TSPAN7: variants seen among roughly 807,000 people sequenced by gnomAD.
TSPAN7 encodes the protein tetraspanin 7, also known as tetraspanin-7.
TSPAN7 carries 1 observed loss-of-function variant against 17.6 expected under a neutral mutation model. The observed-to-expected ratio is 0.06, with a 90% CI of 0.02 to 0.27. TSPAN7 has a LOEUF of 0.27. TSPAN7 is among the 10% of genes least tolerant of loss of function. The pLI, the probability that TSPAN7 is intolerant of heterozygous loss-of-function variation, is 1.00. For missense variants in TSPAN7, 112 were observed against 201.7 expected, an observed-to-expected ratio of 0.56 and a Z score of 2.69; for synonymous variants, 78 against 79.0, an observed-to-expected ratio of 0.99 and a Z score of 0.07.
At chrX:38,638,793 G>T (rs1407624910) in intron 1 of TSPAN7, among the ~76,000 whole-genome samples, 4 of 111,609 alleles carry the variant, frequency 3.6e-5, no homozygotes, top group Non-Finnish European at 5.6e-5. Context: ...AGACAAATTG[G>T]TCTTCTATTA....
At chrX:38,625,031 A>G (rs772641119) in intron 1 of TSPAN7, among the ~76,000 whole-genome samples, 2 of 112,283 alleles carry the variant, frequency 1.8e-5, no homozygotes, top group African/African-American at 3.2e-5. Flanking sequence ...TTACTCATTT[A>G]TGGAAGATAT....
chrX:38,639,667 C>T (rs926670048), intron 1 of TSPAN7, among the ~76,000 whole-genome samples: 1 of 107,257 alleles, frequency 9.3e-6, no homozygotes, highest in Admixed American at 1.0e-4. Flanking sequence ...AAATATGACC[C>T]GTTCTTGGGT....
intron 1 of TSPAN7, among the ~76,000 whole-genome samples, chrX:38,643,846 A>AAAAAT (rs1264310034): frequency 1.8e-5 from 2 of 111,360 alleles, no homozygotes; most frequent in African/African-American, 3.3e-5. Flanking sequence ...CTCCGTCTCA[A>AAAAAT]AAAATAAAAT....
rs749626122 is a variant in TSPAN7 at position 38,666,389 on chromosome X, G to A, written c.270+80G>A. 6.9e-5 allele frequency: 70 copies of A among 1,010,598 alleles called. 1 individual carries two copies. The South Asian group carries it at 1.1e-3, about 15-fold the overall frequency. The allele number at this position is 1,010,598 out of a possible 1,213,427, so 83.3% of individuals were successfully genotyped here. On this transcript the variant is annotated intron_variant, in intron 2 of 7. Transcript: ENST00000378482. Reference sequence around the variant, plus strand: ...AAATTACATGGAGGTGAAGTGGTTCGTCTTGAGGTCACAGACAAGACCTTA... The same window carrying A: ...AAATTACATGGAGGTGAAGTGGTTCATCTTGAGGTCACAGACAAGACCTTA...
intron 1 of TSPAN7, among the ~76,000 whole-genome samples, chrX:38,603,923 C>T (rs1187200881): frequency 5.8e-5 from 6 of 103,997 alleles, no homozygotes; most frequent in East Asian, 6.1e-4. Context: ...GCACAATTTG[C>T]GGGTTAGTTA....
At chrX:38,616,251 C>A (rs902228881) in intron 1 of TSPAN7, among the ~76,000 whole-genome samples, 2 of 112,136 alleles carry the variant, frequency 1.8e-5, no homozygotes, top group African/African-American at 3.2e-5. Flanking sequence ...ATATTAATAT[C>A]TCCACTTTAC....
intron 1 of TSPAN7, among the ~76,000 whole-genome samples, chrX:38,636,904 C>T (rs1418505139): frequency 5.4e-5 from 6 of 111,634 alleles, no homozygotes; most frequent in Non-Finnish European, 7.5e-5. Flanking sequence ...ATCCGCCAGC[C>T]GTGGGCTCCC....
intron 1 of TSPAN7, among the ~76,000 whole-genome samples, chrX:38,642,725 A>C (rs941748636): frequency 2.7e-5 from 3 of 112,261 alleles, no homozygotes; most frequent in African/African-American, 9.7e-5. Flanking sequence ...CATAGACTGC[A>C]GTGATGCTGC....
In TSPAN7 at chrX:38,562,176, T is replaced by C. The variant is rs184037953; in HGVS notation, c.81+549T>C. ...TGGCTGGGCAAGGGCGACCGAAGTC[T>C]CCCAAGCGCACGATGGGGAGCAGGC... is the stretch of plus-strand genomic sequence containing the variant. On this transcript the variant is annotated intron_variant, in intron 1 of 7. Coordinates refer to ENST00000378482, the MANE Select transcript of TSPAN7 (RefSeq NM_004615.4). 8.1e-4 allele frequency among the ~76,000 whole-genome samples: 90 copies of C among 111,508 alleles called. 1 individual carries two copies. In the East Asian group the frequency reaches 0.022, roughly 27 times the overall value.
intron 1 of TSPAN7, among the ~76,000 whole-genome samples, chrX:38,562,102 T>C (rs5963511): frequency 0.13 from 14,249 of 110,829 alleles, 924 homozygotes; most frequent in African/African-American, 0.24. Context: ...CAGTTATTCC[T>C]GACCCCACGG....
chrX:38,643,953 C>T (rs2069630129), intron 1 of TSPAN7, among the ~76,000 whole-genome samples: 1 of 112,059 alleles, frequency 8.9e-6, no homozygotes, highest in Non-Finnish European at 1.9e-5. Flanking sequence ...GGTATCTTGC[C>T]TGTAAAAGAC....
At chrX:38,598,528 A>T in intron 1 of TSPAN7, among the ~76,000 whole-genome samples, 1 of 111,140 alleles carries the variant, frequency 9.0e-6, no homozygotes, top group Non-Finnish European at 1.9e-5. Context: ...GTAGATTTTT[A>T]AAATTATTAT....
chrX:38,646,832 T>C (rs1048703926), intron 1 of TSPAN7, among the ~76,000 whole-genome samples: 6 of 112,417 alleles, frequency 5.3e-5, no homozygotes, highest in African/African-American at 1.9e-4. Flanking sequence ...TCTGTACTTC[T>C]GGGACATTTG....
intron 1 of TSPAN7, among the ~76,000 whole-genome samples, chrX:38,562,148 G>T (rs2069115143): frequency 8.9e-6 from 1 of 111,743 alleles, no homozygotes; most frequent in Non-Finnish European, 1.9e-5. Flanking sequence ...CACCGTGCCT[G>T]CCTGGCTGGG....
chrX:38,588,316 G>A (rs2069270464), intron 1 of TSPAN7, among the ~76,000 whole-genome samples: 1 of 111,187 alleles, frequency 9.0e-6, no homozygotes, highest in African/African-American at 3.3e-5. Flanking sequence ...AATGAGGTAA[G>A]CACTGGAGCA....
At chrX:38,593,366 G>A (rs932496531) in intron 1 of TSPAN7, among the ~76,000 whole-genome samples, 1 of 111,081 alleles carries the variant, frequency 9.0e-6, no homozygotes, top group Non-Finnish European at 1.9e-5. Flanking sequence ...TTTTATGGAA[G>A]GATGGTATTT....
intron 6 of TSPAN7, among the ~76,000 whole-genome samples, chrX:38,684,480 A>G (rs2069913810): frequency 9.0e-6 from 1 of 110,905 alleles, no homozygotes; most frequent in South Asian, 3.9e-4. Flanking sequence ...GCTTGTGGGG[A>G]GAGTGAGAGA....
chrX:38,571,743 TA>T (rs111946910), intron 1 of TSPAN7, among the ~76,000 whole-genome samples: 1,994 of 103,450 alleles, frequency 0.019, 41 homozygotes, highest in African/African-American at 0.056. Flanking sequence ...GTGTGTGAGT[TA>T]AAAAAAAAAA....
chrX:38,594,036 G>C (rs957418421), intron 1 of TSPAN7, among the ~76,000 whole-genome samples: 1 of 111,257 alleles, frequency 9.0e-6, no homozygotes, highest in Non-Finnish European at 1.9e-5. Context: ...TGAGAAACCT[G>C]GTTTTCATTA....
Sources: allele counts gnomAD v4.1 joint callset (sites outside exome capture counted in the v4.1 genomes callset), GRCh38; gene constraint gnomAD v4.1.1; transcripts MANE v1.5; gene names NCBI Gene and HGNC (gene_info 2026-07-23, HGNC 2026-07-21).